CNTNAP2: variants seen among roughly 807,000 people sequenced by gnomAD.
CNTNAP2 encodes contactin associated protein 2.
A neutral mutation model predicts 155.2 loss-of-function variants in CNTNAP2; 98 were observed. The ratio of observed to expected loss-of-function variants is 0.63; its 90% confidence interval spans 0.54 to 0.75. CNTNAP2 has a LOEUF of 0.75. Ranked by LOEUF, CNTNAP2 falls within the 30% of genes least tolerant of loss-of-function variation. The pLI is 0.00. For synonymous variants in CNTNAP2, 651 were observed against 631.2 expected (o/e 1.03, Z -0.47); for missense variants, 1,727 against 1,688.1 (o/e 1.02, Z -0.40).
chr7:147,070,915 T>A (rs1799878036), intron 4 of CNTNAP2, among the ~76,000 whole-genome samples: 1 of 152,098 alleles, frequency 6.6e-6, no homozygotes, highest in African/African-American at 2.4e-5. Flanking sequence ...GAAGCATAAT[T>A]AAAGGAAATT....
intron 9 of CNTNAP2, among the ~76,000 whole-genome samples, chr7:147,346,434 G>A (rs372127024): frequency 6.6e-6 from 1 of 152,080 alleles, no homozygotes; most frequent in South Asian, 2.1e-4. Context: ...GATTACAGGC[G>A]TGAGCCACCG....
At chr7:146,744,949 G>A (rs139969866) in intron 1 of CNTNAP2, among the ~76,000 whole-genome samples, 122 of 152,200 alleles carry the variant, frequency 8.0e-4, no homozygotes, top group African/African-American at 2.6e-3. Context: ...TAAAAAGATT[G>A]GCTTTTTAAA....
At chr7:146,962,613 C>A (rs1039777014) in intron 3 of CNTNAP2, among the ~76,000 whole-genome samples, 4 of 152,152 alleles carry the variant, frequency 2.6e-5, no homozygotes, top group African/African-American at 9.7e-5. Context: ...TGCAGTGGCA[C>A]GATCTTGACT....
chr7:147,286,879 C>T (rs369808649), intron 8 of CNTNAP2, among the ~76,000 whole-genome samples: 2 of 152,068 alleles, frequency 1.3e-5, no homozygotes, highest in African/African-American at 2.4e-5. Context: ...TACTTGATGT[C>T]TCAGATGCAC....
intron 3 of CNTNAP2, among the ~76,000 whole-genome samples, chr7:147,027,027 GA>G (rs35010258): frequency 0.12 from 14,570 of 116,662 alleles, 788 homozygotes; most frequent in Middle Eastern, 0.19. Context: ...ACAAAAAAAA[GA>G]AAAAAAAAAA....
At chr7:146,990,019 AT>A (rs1327418125) in intron 3 of CNTNAP2, among the ~76,000 whole-genome samples, 2 of 152,068 alleles carry the variant, frequency 1.3e-5, no homozygotes, top group Non-Finnish European at 2.9e-5. Flanking sequence ...CAGGGATATT[AT>A]GTCCAATAAG....
chr7:147,561,137 A>T (rs777733770), intron 11 of CNTNAP2, among the ~76,000 whole-genome samples: 1 of 152,098 alleles, frequency 6.6e-6, no homozygotes, highest in Non-Finnish European at 1.5e-5. Flanking sequence ...CCATGCAATT[A>T]TTTTTAATTA....
intron 13 of CNTNAP2, among the ~76,000 whole-genome samples, chr7:147,824,570 C>T (rs756031387): frequency 1.6e-4 from 24 of 152,134 alleles, no homozygotes; most frequent in Middle Eastern, 6.8e-3. Flanking sequence ...TCTGTATCGC[C>T]AATATGAGTA....
chr7:147,116,758 C>CA (rs994802039), intron 5 of CNTNAP2, among the ~76,000 whole-genome samples: 3 of 151,688 alleles, frequency 2.0e-5, no homozygotes, highest in African/African-American at 7.3e-5. Flanking sequence ...GTCATGCAGG[C>CA]AGGTGTGGTT....
intron 13 of CNTNAP2, among the ~76,000 whole-genome samples, chr7:147,842,407 T>C (rs1158223917): frequency 6.6e-6 from 1 of 152,228 alleles, no homozygotes; most frequent in Admixed American, 6.5e-5. Context: ...TATTCTATGT[T>C]AATAATATAA....
chr7:147,408,672 G>A (rs1041667671), intron 10 of CNTNAP2, among the ~76,000 whole-genome samples: 4 of 152,104 alleles, frequency 2.6e-5, no homozygotes, highest in Non-Finnish European at 5.9e-5. Context: ...GCAGGAGAAT[G>A]GTGTGAACCC....
At chr7:147,917,795 A>G (rs1563134575) in intron 14 of CNTNAP2, among the ~76,000 whole-genome samples, 1 of 152,230 alleles carries the variant, frequency 6.6e-6, no homozygotes, top group South Asian at 2.1e-4. Flanking sequence ...TCACACCTAC[A>G]GTAGGTCCCT....
chr7:147,842,587 CTTTT>C (rs3055146), intron 13 of CNTNAP2, among the ~76,000 whole-genome samples: 10 of 84,408 alleles, frequency 1.2e-4, no homozygotes, highest in African/African-American at 4.0e-4. Flanking sequence ...TTTTACTTTT[CTTTT>C]TTTTTTTTTT....
intron 9 of CNTNAP2, among the ~76,000 whole-genome samples, chr7:147,341,070 T>TTGTGTGTGTGTGTGTGTGTGTG (rs61319652): frequency 2.7e-5 from 4 of 148,884 alleles, no homozygotes; most frequent in South Asian, 2.1e-4. Flanking sequence ...CATTGTGTGT[T>TTGTGTGTGTGTGTGTGTGTGTG]TGTGTGTGTG....
chr7:147,600,597 T>C (rs942667817), intron 12 of CNTNAP2, among the ~76,000 whole-genome samples: 1 of 152,202 alleles, frequency 6.6e-6, no homozygotes, highest in African/African-American at 2.4e-5. Context: ...CAAGAAGAGG[T>C]GGGCCAGAAT....
At chr7:147,630,402 G>A (rs1374907195) in intron 12 of CNTNAP2, among the ~76,000 whole-genome samples, 2 of 145,338 alleles carry the variant, frequency 1.4e-5, no homozygotes, top group Admixed American at 6.9e-5. Flanking sequence ...ATTCAAAGAA[G>A]AATCGACACC....
At position 146,361,106 on chromosome 7, in the gene CNTNAP2, A is replaced by G. The variant is rs545116236; in HGVS notation, c.97+244133A>G. ...AGCAAGAGAAAAGGACATTTCCCTT[A>G]AGAACGACAAATTCCTGAAATACCT... On this transcript the variant is annotated intron_variant, in intron 1 of 23. Transcript: ENST00000361727. Among the ~76,000 whole-genome samples, 13 of 152,354 alleles carry G rather than the reference A, an allele frequency of 8.5e-5. No homozygotes were observed. The South Asian group carries it at 1.2e-3, about 15-fold the overall frequency.
intron 13 of CNTNAP2, among the ~76,000 whole-genome samples, chr7:147,721,085 C>T (rs1404736): frequency 0.016 from 2,499 of 152,182 alleles, 223 homozygotes; most frequent in Admixed American, 0.15. Flanking sequence ...AAACAAAATA[C>T]ACCTAAGACA....
chr7:146,891,268 G>A (rs943133941), intron 3 of CNTNAP2, among the ~76,000 whole-genome samples: 3 of 152,080 alleles, frequency 2.0e-5, no homozygotes, highest in African/African-American at 7.2e-5. Context: ...ACAGGAATGG[G>A]TTCAAGCCTA....
Sources: gnomAD v4.1 joint callset for allele counts (sites outside exome capture counted in the v4.1 genomes callset) on GRCh38, gnomAD v4.1.1 for gene constraint, MANE v1.5 for transcripts, NCBI Gene and HGNC (gene_info 2026-07-23, HGNC 2026-07-21) for gene names.